Variants in CCT3 observed in about 807,000 individuals in gnomAD.
The protein encoded by CCT3 is T-complex protein 1 subunit gamma.
Under a neutral mutation model 65.3 loss-of-function variants are expected in CCT3, and 10 were observed. That is an observed-to-expected ratio of 0.15 (90% CI 0.09 to 0.26). The LOEUF (loss-of-function observed/expected upper bound fraction) is 0.26. Ranked by LOEUF, CCT3 falls within the 10% of genes least tolerant of loss-of-function variation. The pLI, the probability that CCT3 is intolerant of heterozygous loss-of-function variation, is 1.00. For synonymous variants in CCT3, 225 were observed against 242.3 expected, an observed-to-expected ratio of 0.93 and a Z score of 0.66; for missense variants, 626 against 708.7, an observed-to-expected ratio of 0.88 and a Z score of 1.33.
intron 7 of CCT3, 40 bp from the exon 8 acceptor site, chr1:156,319,057 G>C (rs1423871500): frequency 6.5e-7 from 1 of 1,529,128 alleles, no homozygotes; most frequent in Admixed American, 2.1e-5. Context: ...ACAATCAAGA[G>C]ACAATTTCTT....
intron 6 of CCT3, among the ~76,000 whole-genome samples, chr1:156,324,154 G>A (rs1011823465): frequency 4.6e-5 from 7 of 151,638 alleles, no homozygotes; most frequent in Non-Finnish European, 7.4e-5. Context: ...TGAAACCTTC[G>A]CCTCCCGGGT....
intron 13 of CCT3, 38 bp from the exon 14 acceptor site, chr1:156,309,341 G>A (rs1335471268): frequency 2.9e-6 from 4 of 1,366,996 alleles, no homozygotes; most frequent in South Asian, 2.3e-5. Flanking sequence ...GGTCAGCAGA[G>A]AAGGAAAGGA....
At chr1:156,334,528 C>T (rs766991582) in intron 4 of CCT3, among the ~76,000 whole-genome samples, 185 bp downstream of exon 4, 12 of 152,286 alleles carry the variant, frequency 7.9e-5, no homozygotes, top group South Asian at 4.1e-4. Context: ...GCCCTACTGA[C>T]GCCTTTATTT....
chr1:156,328,716 C>A (rs1664969740), intron 5 of CCT3, among the ~76,000 whole-genome samples: 1 of 152,092 alleles, frequency 6.6e-6, no homozygotes, highest in Non-Finnish European at 1.5e-5. Context: ...GACACAAACA[C>A]TGCGGAAGGC....
At chr1:156,334,239 CAAA>C (rs34500374) in intron 4 of CCT3, among the ~76,000 whole-genome samples, 42 of 118,418 alleles carry the variant, frequency 3.5e-4, no homozygotes, top group Admixed American at 8.7e-4. Flanking sequence ...GACTCCGTCT[CAAA>C]AAAAAAAAAA....
chr1:156,313,493 G>A (rs1014952798), intron 10 of CCT3, among the ~76,000 whole-genome samples: 2 of 152,102 alleles, frequency 1.3e-5, no homozygotes, highest in African/African-American at 4.8e-5. Flanking sequence ...GAAAGAGAAG[G>A]GAGCACCAGG....
At chr1:156,332,731 TGCTA>T (rs1665155689) in intron 5 of CCT3, 1 of 152,240 alleles carries the variant, frequency 6.6e-6, no homozygotes, top group Non-Finnish European at 1.5e-5. Context: ...AGTGCTTAAG[TGCTA>T]GCTAATGCTT....
chr1:156,312,079 T>A lies in CCT3; in HGVS notation c.1117A>T (p.Thr373Ser). 1 of 1,613,646 alleles carries A rather than the reference T, an allele frequency of 6.2e-7. No individual in the cohort carries two copies. The highest frequency in any genetic ancestry group is 8.5e-7 in the Non-Finnish European group (1 of 1,179,888). Reference protein sequence around the residue: ...ITDCKDPKACTILLRGASKEI... With the variant: ...ITDCKDPKACSILLRGASKEI... ...TTGCTAGCCCCCCGGAGGAGAATGG[T>A]GCAGGCCTTGGGGTCTTTGCAGTCA... Residue 373 changes from threonine (T) to serine (S), a missense_variant, in exon 11 of 14, where the codon ACC (threonine) becomes TCC (serine). Coordinates refer to ENST00000295688, the MANE Select transcript of CCT3 (RefSeq NM_005998.5).
intron 5 of CCT3, 46 bp from the exon 6 acceptor site, chr1:156,325,135 A>G: frequency 7.6e-7 from 1 of 1,319,094 alleles, no homozygotes; most frequent in Non-Finnish European, 1.1e-6. Flanking sequence ...GCATCTGGAT[A>G]TCAAGGCAAG....
At chr1:156,319,880 A>G (rs866179541) in intron 7 of CCT3, among the ~76,000 whole-genome samples, 1 of 152,186 alleles carries the variant, frequency 6.6e-6, no homozygotes, top group African/African-American at 2.4e-5. Flanking sequence ...TACTATTTTA[A>G]TAGCACTACA....
intron 10 of CCT3, among the ~76,000 whole-genome samples, chr1:156,314,618 A>T (rs1402023534): frequency 6.6e-6 from 1 of 152,034 alleles, no homozygotes; most frequent in Non-Finnish European, 1.5e-5. Flanking sequence ...GGAGGCTGAG[A>T]CAGGAGAATC....
chr1:156,336,008 C>A, intron 1 of CCT3, 120 bp from the exon 2 acceptor site: 1 of 680,268 alleles, frequency 1.5e-6, no homozygotes, highest in Non-Finnish European at 2.5e-6. Context: ...CAGAGCAAAG[C>A]TTATCAAACT....
At chr1:156,310,114 T>G (rs911773261) in intron 13 of CCT3, among the ~76,000 whole-genome samples, 2 of 151,688 alleles carry the variant, frequency 1.3e-5, no homozygotes, top group African/African-American at 4.8e-5. Context: ...TTATCTTGCT[T>G]TTAGTACGAG....
intron 4 of CCT3, 71 bp downstream of exon 4, chr1:156,334,642 T>G: frequency 6.9e-7 from 1 of 1,444,434 alleles, no homozygotes; most frequent in African/African-American, 1.4e-5. Context: ...TCAGAGCCTG[T>G]ATCTTAACAG....
chr1:156,313,282 C>T (rs1210971182), intron 10 of CCT3, among the ~76,000 whole-genome samples: 4 of 138,896 alleles, frequency 2.9e-5, no homozygotes, highest in African/African-American at 7.9e-5. Context: ...GAGGTTGCAG[C>T]GAGCTGAGAT....
At chr1:156,335,391 A>G (rs139122124) in intron 2 of CCT3, 96 of 181,426 alleles carry the variant, frequency 5.3e-4, no homozygotes, top group African/African-American at 1.5e-3. Context: ...ATGTCTTAGT[A>G]TTTCTTTCCA....
chr1:156,324,408 A>G (rs1334956049), intron 6 of CCT3, among the ~76,000 whole-genome samples: 1 of 152,170 alleles, frequency 6.6e-6, no homozygotes, highest in Non-Finnish European at 1.5e-5. Flanking sequence ...ACACTGCTCT[A>G]CATGACTCTA....
intron 2 of CCT3, chr1:156,335,605 A>G (rs1301885280): frequency 4.0e-6 from 2 of 500,808 alleles, no homozygotes; most frequent in East Asian, 6.1e-5. Context: ...CAGCAACAGA[A>G]TAATGCACAA....
chr1:156,336,129 T>C (rs1241626782), intron 1 of CCT3: 1 of 402,062 alleles, frequency 2.5e-6, no homozygotes, highest in African/African-American at 2.0e-5. Context: ...CTTGGTATAT[T>C]AAGAAATAAC....
Sources: allele counts gnomAD v4.1 joint callset (sites outside exome capture counted in the v4.1 genomes callset), GRCh38; gene constraint gnomAD v4.1.1; transcripts MANE v1.5; gene names NCBI Gene and HGNC (gene_info 2026-07-23, HGNC 2026-07-21).